The following SEC11A variants were observed in gnomAD, a reference collection of about 807,000 sequenced individuals.
The protein encoded by SEC11A is signal peptidase complex catalytic subunit SEC11A.
SEC11A carries 14 observed loss-of-function variants against 25.6 expected under a neutral mutation model. The observed-to-expected ratio is 0.55, with a 90% confidence interval of 0.36 to 0.85. SEC11A has a LOEUF of 0.85. SEC11A is among the 40% of genes least tolerant of loss of function. The pLI is 0.01. For missense variants in SEC11A, 153 were observed against 222.9 expected (o/e 0.69, Z 2.00); for synonymous variants, 83 against 76.4 (o/e 1.09, Z -0.45).
chr15:84,669,847 A>C lies in SEC11A; in HGVS notation c.*172T>G, dbSNP rs1161706276. 11 of 1,220,854 alleles carry C rather than the reference A, an allele frequency of 9.0e-6. No homozygotes were observed. Among genetic ancestry groups the C allele is most frequent in the Non-Finnish European group, 1.3e-5 (11 of 868,596 alleles). The allele number at this position is 1,220,854 out of a possible 1,614,324, so 75.6% of individuals were successfully genotyped here. ...CCCTCGAGTGCACTCTGTGGTGCACATGCGCCCGCCCACACAAACTCTGGC... is the reference window on the plus strand; with the variant it reads ...CCCTCGAGTGCACTCTGTGGTGCACCTGCGCCCGCCCACACAAACTCTGGC... On this transcript the variant is annotated 3_prime_UTR_variant, in exon 6 of 6. Coordinates refer to ENST00000268220, the MANE Select transcript of SEC11A (RefSeq NM_014300.4).
intron 3 of SEC11A, among the ~76,000 whole-genome samples, chr15:84,687,363 T>C (rs1018606004): frequency 6.6e-6 from 1 of 152,160 alleles, no homozygotes; most frequent in Non-Finnish European, 1.5e-5. Context: ...TTTGGAATTA[T>C]ATACAGAGTC....
At chr15:84,678,846 T>C (rs1198972948) in intron 4 of SEC11A, among the ~76,000 whole-genome samples, 1 of 151,912 alleles carries the variant, frequency 6.6e-6, no homozygotes. Context: ...TACAAAAAAT[T>C]AGCTGGGTGT....
chr15:84,713,916 A>G (rs1377379707), intron 1 of SEC11A, among the ~76,000 whole-genome samples: 1 of 152,016 alleles, frequency 6.6e-6, no homozygotes, highest in South Asian at 2.1e-4. Context: ...AACCTCTCAA[A>G]ATTTTCCTAC....
rs149961838 is a variant in SEC11A at position 84,669,836 on chromosome 15, C to G, written c.*183G>C. 241 of 989,422 alleles carry G rather than the reference C, an allele frequency of 2.4e-4. 1 individual carries two copies. In the African/African-American group the frequency reaches 3.6e-3, roughly 15 times the overall value. 61.3% of individuals were successfully genotyped at this position (989,422 alleles called of 1,614,324 possible). On this transcript the variant is annotated 3_prime_UTR_variant, in exon 6 of 6. Transcript: ENST00000268220. ...GACTGAAAGTCCCCTCGAGTGCACTCTGTGGTGCACATGCGCCCGCCCACA... is the reference window on the plus strand; with the variant it reads ...GACTGAAAGTCCCCTCGAGTGCACTGTGTGGTGCACATGCGCCCGCCCACA...
At chr15:84,709,602 C>G (rs1262166336) in intron 1 of SEC11A, among the ~76,000 whole-genome samples, 6 of 151,926 alleles carry the variant, frequency 3.9e-5, no homozygotes, top group Admixed American at 6.6e-5. Context: ...ACCACCACAC[C>G]CCACTAATTT....
At chr15:84,685,516 C>T (rs1897394483) in intron 3 of SEC11A, among the ~76,000 whole-genome samples, 1 of 151,746 alleles carries the variant, frequency 6.6e-6, no homozygotes, top group Non-Finnish European at 1.5e-5. Flanking sequence ...TCAAGCACTC[C>T]ACCCGCCTCA....
At chr15:84,676,997 G>A (rs1897152517) in intron 4 of SEC11A, among the ~76,000 whole-genome samples, 1 of 151,468 alleles carries the variant, frequency 6.6e-6, no homozygotes, top group Admixed American at 6.6e-5. Flanking sequence ...AGGCTGAGGT[G>A]GGAGGATTGC....
At chr15:84,702,101 G>A (rs771893001) in intron 1 of SEC11A, among the ~76,000 whole-genome samples, 3 of 151,400 alleles carry the variant, frequency 2.0e-5, no homozygotes, top group Non-Finnish European at 2.9e-5. Flanking sequence ...ATAATAGGGA[G>A]GTAAGTTCAT....
intron 2 of SEC11A, among the ~76,000 whole-genome samples, chr15:84,690,268 C>T (rs1596075489): frequency 6.6e-6 from 1 of 152,134 alleles, no homozygotes; most frequent in South Asian, 2.1e-4. Flanking sequence ...GGGAGTTCCC[C>T]TGCAAAAGCT....
chr15:84,700,478 T>G (rs1237954314), intron 1 of SEC11A, among the ~76,000 whole-genome samples: 1 of 146,442 alleles, frequency 6.8e-6, no homozygotes, highest in African/African-American at 2.6e-5. Flanking sequence ...CCTGTAGTCC[T>G]AGCTAATCAG....
intron 4 of SEC11A, among the ~76,000 whole-genome samples, chr15:84,680,429 A>T (rs1897257704): frequency 6.6e-6 from 1 of 152,196 alleles, no homozygotes; most frequent in African/African-American, 2.4e-5. Flanking sequence ...TCTTGAGTGA[A>T]CCAAATAAGT....
chr15:84,702,581 G>C (rs761782063), intron 1 of SEC11A, among the ~76,000 whole-genome samples: 1 of 151,946 alleles, frequency 6.6e-6, no homozygotes, highest in Non-Finnish European at 1.5e-5. Flanking sequence ...TGAGATTATA[G>C]ACACAAGCAA....
intron 4 of SEC11A, chr15:84,673,628 T>C (rs1264630093): frequency 6.5e-6 from 1 of 153,202 alleles, no homozygotes; most frequent in Non-Finnish European, 1.5e-5. Context: ...TGCAGATTCT[T>C]GGCTGGGCAC....
intron 3 of SEC11A, among the ~76,000 whole-genome samples, chr15:84,685,504 G>A (rs913448892): frequency 6.6e-6 from 1 of 150,696 alleles, no homozygotes; most frequent in East Asian, 1.9e-4. Context: ...GAGCTCCTGC[G>A]CTCAAGCACT....
chr15:84,700,972 G>C (rs138499492), intron 1 of SEC11A, among the ~76,000 whole-genome samples: 12 of 81,242 alleles, frequency 1.5e-4, no homozygotes, highest in Non-Finnish European at 2.1e-4. Flanking sequence ...CAACAAGAGC[G>C]AAACTCCATA....
At chr15:84,712,550 C>T (rs1898312769) in intron 1 of SEC11A, among the ~76,000 whole-genome samples, 1 of 150,848 alleles carries the variant, frequency 6.6e-6, no homozygotes, top group Non-Finnish European at 1.5e-5. Flanking sequence ...CAGGTTGAAG[C>T]AATTCTCCTG....
rs568083926 is a variant in SEC11A, at chr15:84,716,061, G to A, written c.15C>T (p.Asp5=). The change falls in exon 1 of 6, where the codon GAC becomes GAT. Residue 5 remains aspartate (D), a synonymous_variant. Transcript: ENST00000268220. ...TCATCCGCCGCACATCGTCCAAAAA[G>A]TCTAGAGACAGCATGGCGGGGACGG... is the stretch of plus-strand genomic sequence containing the variant. The part of the protein sequence containing the change: MLSL[D]FLDDVRRMNK... 1.2e-6 allele frequency: 2 copies of A among 1,613,740 alleles called. No individual in the cohort carries two copies. Among genetic ancestry groups the A allele is most frequent in the Admixed American group, 1.7e-5 (1 of 59,972 alleles).
At chr15:84,708,662 C>T (rs937418760) in intron 1 of SEC11A, among the ~76,000 whole-genome samples, 4 of 152,062 alleles carry the variant, frequency 2.6e-5, no homozygotes, top group Non-Finnish European at 4.4e-5. Flanking sequence ...CTGGTGTACA[C>T]CTGTAGTCCC....
intron 2 of SEC11A, among the ~76,000 whole-genome samples, chr15:84,688,418 T>TA (rs1897493390): frequency 6.6e-6 from 1 of 152,234 alleles, no homozygotes; most frequent in East Asian, 1.9e-4. Flanking sequence ...CAAGTAAGAC[T>TA]AACTTCTACA....
Sources: allele counts gnomAD v4.1 joint callset (sites outside exome capture counted in the v4.1 genomes callset), GRCh38; gene constraint gnomAD v4.1.1; transcripts MANE v1.5; gene names NCBI Gene and HGNC (gene_info 2026-07-23, HGNC 2026-07-21).